Variants in ZC3H12B observed in about 807,000 individuals in gnomAD.
The protein encoded by ZC3H12B is probable ribonuclease ZC3H12B.
In ZC3H12B, 7 loss-of-function variants were observed where a neutral mutation model predicts 43.9. That is an observed-to-expected ratio of 0.16 (90% CI 0.09 to 0.30). The LOEUF is 0.30. ZC3H12B is among the 10% of genes least tolerant of loss of function. The pLI is 1.00. For missense variants in ZC3H12B, 475 were observed against 670.2 expected, an observed-to-expected ratio of 0.71 and a Z score of 3.22; for synonymous variants, 222 against 241.7, an observed-to-expected ratio of 0.92 and a Z score of 0.76.
chrX:65,361,720 T>C (rs1028850883), upstream of ZC3H12B, among the ~76,000 whole-genome samples: 16 of 110,346 alleles, frequency 1.4e-4, no homozygotes, highest in African/African-American at 5.3e-4. Context: ...AACATGCATT[T>C]TATTACCCAG....
At chrX:65,265,679 G>A in the ZC3H12B span, among the ~76,000 whole-genome samples, 237 of 111,797 alleles carry the variant, frequency 2.1e-3, no homozygotes, top group African/African-American at 7.4e-3. Flanking sequence ...TTATTTTAAT[G>A]TCGAAGATAT....
the ZC3H12B span, among the ~76,000 whole-genome samples, chrX:65,232,274 GT>G: frequency 9.0e-6 from 1 of 110,685 alleles, no homozygotes; most frequent in Non-Finnish European, 1.9e-5. Context: ...CGTAGGACAG[GT>G]GTGAGAAATT....
the ZC3H12B span, among the ~76,000 whole-genome samples, chrX:65,119,642 T>G: frequency 9.0e-6 from 1 of 111,721 alleles, no homozygotes; most frequent in Middle Eastern, 4.2e-3. Flanking sequence ...CACAATCTCT[T>G]TAGTTTAATT....
chrX:65,121,386 C>T, the ZC3H12B span, among the ~76,000 whole-genome samples: 1 of 111,127 alleles, frequency 9.0e-6, no homozygotes, highest in African/African-American at 3.3e-5. Context: ...TGGGAGGGTG[C>T]ATGTGTCAAG....
chrX:65,502,621 C>T (rs1360711496), exon 5 of ZC3H12B: 1 of 1,209,787 alleles, frequency 8.3e-7, no homozygotes, highest in Admixed American at 2.2e-5. Context: ...GAGTGCAGAG[C>T]TATGGCCCAG....
At chrX:65,474,684 C>A (rs756368549) in intron 3 of ZC3H12B, among the ~76,000 whole-genome samples, 1 of 110,869 alleles carries the variant, frequency 9.0e-6, no homozygotes, top group South Asian at 3.9e-4. Flanking sequence ...AATCTCAGCT[C>A]ACTGCAGCCA....
chrX:65,380,094 G>C lies in ZC3H12B; in HGVS notation n.295+11096G>C, dbSNP rs780964191. 1.4e-3 allele frequency among the ~76,000 whole-genome samples: 151 copies of C among 111,483 alleles called. 1 individual carries two copies. The highest frequency in any genetic ancestry group is 4.8e-3 in the African/African-American group (148 of 30,679). On this transcript the variant is annotated intron_variant and non_coding_transcript_variant, in intron 2 of 5. Transcript: ENST00000617377. ...AAGGCAGGCCAACATTCAGATTCAGGAAATACAAAGAACGCCACAAAGATA... is the reference window on the plus strand; with the variant it reads ...AAGGCAGGCCAACATTCAGATTCAGCAAATACAAAGAACGCCACAAAGATA...
chrX:65,412,731 G>A (rs1257634370), intron 3 of ZC3H12B, among the ~76,000 whole-genome samples: 1 of 112,009 alleles, frequency 8.9e-6, no homozygotes, highest in South Asian at 3.7e-4. Context: ...GCCTCCCAAA[G>A]TGCTGGAATT....
the ZC3H12B span, among the ~76,000 whole-genome samples, chrX:65,153,188 C>A: frequency 8.9e-6 from 1 of 111,903 alleles, no homozygotes; most frequent in Non-Finnish European, 1.9e-5. Flanking sequence ...GACTTAATGT[C>A]TAAAACACCA....
At chrX:65,159,813 G>T in the ZC3H12B span, among the ~76,000 whole-genome samples, 8 of 111,882 alleles carry the variant, frequency 7.2e-5, no homozygotes, top group Non-Finnish European at 1.5e-4. Context: ...AAGAGGAGTG[G>T]TGAGAGAGGG....
intron 3 of ZC3H12B, among the ~76,000 whole-genome samples, chrX:65,427,219 CT>C (rs946139946): frequency 9.0e-5 from 10 of 111,633 alleles, no homozygotes; most frequent in African/African-American, 3.3e-4. Flanking sequence ...TAATGCCCTT[CT>C]TTGTCTTTTT....
At chrX:65,452,465 A>G (rs2067529140) in intron 3 of ZC3H12B, among the ~76,000 whole-genome samples, 1 of 111,177 alleles carries the variant, frequency 9.0e-6, no homozygotes, top group African/African-American at 3.3e-5. Flanking sequence ...TTGGGAATAT[A>G]CCTAACCAAA....
the ZC3H12B span, among the ~76,000 whole-genome samples, chrX:65,074,295 A>T: frequency 9.0e-6 from 1 of 110,591 alleles, no homozygotes; most frequent in African/African-American, 3.3e-5. Context: ...CTTCAAATCT[A>T]TGATATCATT....
the ZC3H12B span, among the ~76,000 whole-genome samples, chrX:65,263,476 G>T: frequency 1.8e-5 from 2 of 110,648 alleles, no homozygotes; most frequent in South Asian, 7.6e-4. Flanking sequence ...AAAAATGCAT[G>T]GGATGAATTA....
chrX:65,477,374 C>T (rs868350464), intron 3 of ZC3H12B, among the ~76,000 whole-genome samples: 7 of 86,481 alleles, frequency 8.1e-5, no homozygotes, highest in African/African-American at 1.2e-4. Context: ...TACACACACA[C>T]GTGCACACAC....
the ZC3H12B span, among the ~76,000 whole-genome samples, chrX:65,192,114 A>G: frequency 9.1e-6 from 1 of 109,386 alleles, no homozygotes; most frequent in Non-Finnish European, 1.9e-5. Context: ...AGCGGCTTTG[A>G]GTGAGATTCT....
chrX:65,353,487 C>A, the ZC3H12B span, among the ~76,000 whole-genome samples: 1 of 112,053 alleles, frequency 8.9e-6, no homozygotes, highest in Admixed American at 9.5e-5. Context: ...TGTTGACAAC[C>A]AAGATAGCAA....
the ZC3H12B span, among the ~76,000 whole-genome samples, chrX:65,245,244 G>T: frequency 9.0e-6 from 1 of 111,545 alleles, no homozygotes; most frequent in Non-Finnish European, 1.9e-5. Context: ...AATTGAGGCA[G>T]TAAAAAATAG....
chrX:65,439,113 A>G (rs2067268085), intron 3 of ZC3H12B, among the ~76,000 whole-genome samples: 2 of 112,420 alleles, frequency 1.8e-5, no homozygotes. Context: ...TATCCATTTT[A>G]ATAGGTTACT....
Sources: allele counts gnomAD v4.1 joint callset (sites outside exome capture counted in the v4.1 genomes callset), GRCh38; gene constraint gnomAD v4.1.1; transcripts MANE v1.5; gene names NCBI Gene and HGNC (gene_info 2026-07-23, HGNC 2026-07-21).